VTCN1: variants seen among roughly 807,000 people sequenced by gnomAD.
VTCN1 encodes the protein V-set domain containing T cell activation inhibitor 1.
VTCN1 carries 26 observed loss-of-function variants against 26.5 expected under a neutral mutation model. The ratio of observed to expected loss-of-function variants is 0.98; its 90% confidence interval spans 0.72 to 1.36. The LOEUF is 1.36. Ranked by LOEUF, VTCN1 falls within the 40% of genes most tolerant of loss-of-function variation. The pLI, the probability that VTCN1 is intolerant of heterozygous loss-of-function variation, is 0.00. For synonymous variants in VTCN1, 116 were observed against 130.7 expected (o/e 0.89, Z 0.77); for missense variants, 298 against 337.7 (o/e 0.88, Z 0.92).
At chr1:117,197,423 A>G (rs1467743327) in intron 1 of VTCN1, among the ~76,000 whole-genome samples, 1 of 152,204 alleles carries the variant, frequency 6.6e-6, no homozygotes, top group African/African-American at 2.4e-5. Flanking sequence ...GACAGGGAAC[A>G]TAGGGCCCAT....
chr1:117,205,558 G>A (rs924803462), intron 1 of VTCN1, among the ~76,000 whole-genome samples: 1 of 152,078 alleles, frequency 6.6e-6, no homozygotes, highest in African/African-American at 2.4e-5. Flanking sequence ...CAATCCACAG[G>A]CTGCAGCTAA....
intron 1 of VTCN1, among the ~76,000 whole-genome samples, chr1:117,197,183 C>G (rs1648554726): frequency 6.6e-6 from 1 of 152,238 alleles, no homozygotes; most frequent in Non-Finnish European, 1.5e-5. Flanking sequence ...ACTGTAAGTA[C>G]TTATTCGCTA....
chr1:117,147,829 T>C lies in VTCN1; in HGVS notation c.725-47A>G. The C allele has an allele frequency of 6.3e-7, 1 of 1,592,214 alleles. No individual in the cohort carries two copies. Among genetic ancestry groups the C allele is most frequent in the Middle Eastern group, 1.7e-4 (1 of 5,922 alleles). On this transcript the variant is annotated intron_variant, in intron 4 of 5. Coordinates refer to ENST00000369458, the MANE Select transcript of VTCN1 (RefSeq NM_024626.4). The surrounding 1 kb of genome is among the most constrained non-coding windows in gnomAD (Gnocchi z 4.6). ...TTAGGGTCATACAGGAGAAGCTGGA[T>C]GTCTTCTTCACATGACTGGTTAGCA...
At chr1:117,152,395 G>A (rs542689180) in intron 4 of VTCN1, among the ~76,000 whole-genome samples, 4 of 152,072 alleles carry the variant, frequency 2.6e-5, no homozygotes, top group South Asian at 2.1e-4. Flanking sequence ...ATCCAATTTC[G>A]CCCCAGGAAG....
intron 1 of VTCN1, among the ~76,000 whole-genome samples, chr1:117,171,194 T>C (rs1239986855): frequency 6.6e-6 from 1 of 152,236 alleles, no homozygotes; most frequent in Non-Finnish European, 1.5e-5. Context: ...CATTCTTTTT[T>C]ATGGCTGCAT....
chr1:117,151,267 A>G (rs1393747078), intron 4 of VTCN1, among the ~76,000 whole-genome samples: 1 of 149,522 alleles, frequency 6.7e-6, no homozygotes, highest in South Asian at 2.1e-4. Flanking sequence ...GTTCCTTCAG[A>G]TGTTCAGATA....
chr1:117,209,773 C>T (rs1308070575), intron 1 of VTCN1, among the ~76,000 whole-genome samples: 1 of 152,192 alleles, frequency 6.6e-6, no homozygotes, highest in Non-Finnish European at 1.5e-5. Flanking sequence ...CTCTGCTACC[C>T]GGCAGGTGAT....
chr1:117,156,560 C>A lies in VTCN1; in HGVS notation c.445+14G>T. 1.3e-6 allele frequency: 2 copies of A among 1,545,166 alleles called. No individual in the cohort carries two copies. The highest frequency in any genetic ancestry group is 1.3e-5 in the South Asian group (1 of 79,714). On this transcript the variant is annotated intron_variant, in intron 3 of 5. Transcript: ENST00000369458. ...TTTGGTGCTTTAAAAAATCTCTCTC[C>A]AAAAGTAACTCACCTCCAGTTTTAT...
chr1:117,162,916 G>C (rs1652438841), intron 2 of VTCN1, among the ~76,000 whole-genome samples: 1 of 152,194 alleles, frequency 6.6e-6, no homozygotes, highest in Admixed American at 6.5e-5. Context: ...CCTGGAAAAT[G>C]AGCTGTCCTT....
intron 1 of VTCN1, among the ~76,000 whole-genome samples, chr1:117,182,058 C>A (rs1044749434): frequency 3.9e-5 from 6 of 152,180 alleles, no homozygotes; most frequent in Admixed American, 1.3e-4. Flanking sequence ...TCTCGGAAAG[C>A]CTAGCCCTGG....
At chr1:117,165,993 T>C (rs1335117171) in intron 2 of VTCN1, among the ~76,000 whole-genome samples, 1 of 152,202 alleles carries the variant, frequency 6.6e-6, no homozygotes, top group Non-Finnish European at 1.5e-5. Context: ...TAACCAGCTG[T>C]CACCCTGTGA....
At chr1:117,184,303 C>T (rs1188678214) in intron 1 of VTCN1, among the ~76,000 whole-genome samples, 1 of 152,046 alleles carries the variant, frequency 6.6e-6, no homozygotes, top group Non-Finnish European at 1.5e-5. Context: ...GAAGTCTGGG[C>T]AGCACTGGGC....
At chr1:117,185,099 TATA>T (rs894778632) in intron 1 of VTCN1, among the ~76,000 whole-genome samples, 77 of 152,348 alleles carry the variant, frequency 5.1e-4, no homozygotes, top group African/African-American at 1.8e-3. Flanking sequence ...GTTTTATATT[TATA>T]ATGTTTCTTA....
Position 117,153,296 on chromosome 1 carries a change from C to G in VTCN1, c.519G>C (p.Trp173Cys). 1 of 1,614,072 alleles carries G rather than the reference C, an allele frequency of 6.2e-7. No homozygotes were observed. The highest frequency in any genetic ancestry group is 8.5e-7 in the Non-Finnish European group (1 of 1,180,004). ...CCCAGACCACTGTGGGCTGGGGGAA[C>G]CATCGGGGAGCCTCACACCGCAAGG... is the stretch of plus-strand genomic sequence containing the variant. The part of the protein sequence containing the change: ...SETLRCEAPR[W>C]FPQPTVVWAS... The change falls in exon 4 of 6, where the codon TGG becomes TGC. Residue 173 changes from tryptophan (W) to cysteine (C), a missense_variant. By Grantham distance (215) the Trp-to-Cys change is radical. Transcript: ENST00000369458.
intron 1 of VTCN1, 151 bp downstream of exon 1, chr1:117,210,673 C>G (rs1348594302): frequency 1.2e-6 from 1 of 808,604 alleles, no homozygotes; most frequent in Non-Finnish European, 2.0e-6. Flanking sequence ...CAGTTAGGCT[C>G]TTGTCTGGCC....
At chr1:117,195,565 G>A (rs1557876814) in intron 1 of VTCN1, among the ~76,000 whole-genome samples, 1 of 151,966 alleles carries the variant, frequency 6.6e-6, no homozygotes, top group Non-Finnish European at 1.5e-5. Flanking sequence ...TGAAGAAGAT[G>A]GTAATGTTAA....
intron 1 of VTCN1, among the ~76,000 whole-genome samples, chr1:117,170,998 C>T (rs1307074227): frequency 6.6e-6 from 1 of 152,024 alleles, no homozygotes; most frequent in Non-Finnish European, 1.5e-5. Flanking sequence ...GCCCTCCCTC[C>T]CCTTGCCCCC....
At chr1:117,203,821 C>T (rs772326988) in intron 1 of VTCN1, 80 of 980,394 alleles carry the variant, frequency 8.2e-5, no homozygotes, top group Non-Finnish European at 8.5e-5. Flanking sequence ...GGTCTTGTTA[C>T]GCCACAGATT....
At chr1:117,176,250 G>T (rs1265482932) in intron 1 of VTCN1, among the ~76,000 whole-genome samples, 1 of 152,190 alleles carries the variant, frequency 6.6e-6, no homozygotes, top group Non-Finnish European at 1.5e-5. Context: ...CTGAGGCTTA[G>T]CTTAAGTAAC....
Sources: gnomAD v4.1 joint callset for allele counts (sites outside exome capture counted in the v4.1 genomes callset) on GRCh38, gnomAD v4.1.1 for gene constraint, Gnocchi (gnomAD v3.1) non-coding constraint, MANE v1.5 for transcripts, NCBI Gene and HGNC (gene_info 2026-07-23, HGNC 2026-07-21) for gene names.